The following SLC30A2 variants were observed in gnomAD, a reference collection of about 807,000 sequenced individuals.
SLC30A2 encodes the protein solute carrier family 30 member 2, also known as proton-coupled zinc antiporter SLC30A2.
A neutral mutation model predicts 39.6 loss-of-function variants in SLC30A2; 19 were observed. That is an observed-to-expected ratio of 0.48 (90% CI 0.34 to 0.70). SLC30A2 has a LOEUF of 0.70. Among genes scored for constraint, SLC30A2 ranks in the 30% least tolerant of loss-of-function variants. The pLI, the probability that SLC30A2 is intolerant of heterozygous loss-of-function variation, is 0.01. For synonymous variants in SLC30A2, 195 were observed against 194.8 expected, an observed-to-expected ratio of 1.00 and a Z score of -0.01; for missense variants, 387 against 479.4, an observed-to-expected ratio of 0.81 and a Z score of 1.80.
intron 2 of SLC30A2, among the ~76,000 whole-genome samples, 161 bp downstream of exon 2, chr1:26,044,836 A>G (rs568942696): frequency 2.6e-5 from 4 of 152,380 alleles, no homozygotes; most frequent in African/African-American, 9.6e-5. Context: ...AACGTCACCC[A>G]TGTGAGAACA....
chr1:26,044,277 C>T, intron 3 of SLC30A2, 21 bp downstream of exon 3: 1 of 1,613,162 alleles, frequency 6.2e-7, no homozygotes, highest in Non-Finnish European at 8.5e-7. Context: ...ACCCCATCTC[C>T]AGCCAAACCG....
At position 26,044,340 on chromosome 1, in the gene SLC30A2, G is replaced by T. The variant is rs770513269; in HGVS notation, c.376C>A (p.Arg126=). ...AAGTTCATGGTCTTGGTGGCTGGCC[G>T]GGAGGACATCCAGAGGGAGAAGAGG... The part of the protein sequence containing the change: ...ISLFSLWMSS[R]PATKTMNFGW... Residue 126 remains arginine (R), a synonymous_variant, in exon 3 of 8, where the codon CGG becomes AGG. Transcript: ENST00000374276. 10 of 1,613,890 alleles carry T rather than the reference G, an allele frequency of 6.2e-6. No individual in the cohort carries two copies. Among genetic ancestry groups the T allele is most frequent in the African/African-American group, 1.3e-5 (1 of 74,886 alleles).
Position 26,044,344 on chromosome 1 carries a change from G to T in SLC30A2, c.372C>A (p.Ser124=). The part of the protein sequence containing the change: ...MLISLFSLWM[S]SRPATKTMNF... ...TCATGGTCTTGGTGGCTGGCCGGGA[G>T]GACATCCAGAGGGAGAAGAGGCTGA... is the stretch of plus-strand genomic sequence containing the variant. The change falls in exon 3 of 8, where the codon TCC becomes TCA. Residue 124 remains serine (S), a synonymous_variant. Coordinates refer to ENST00000374276, the MANE Select transcript of SLC30A2 (RefSeq NM_001004434.3). 6.2e-7 allele frequency: 1 copy of T among 1,614,052 alleles called. No individual in the cohort carries two copies. Among genetic ancestry groups the T allele is most frequent in the Non-Finnish European group, 8.5e-7 (1 of 1,180,014 alleles).
In SLC30A2 at chr1:26,039,986, C is replaced by T. The variant is rs1246024714; in HGVS notation, c.839-75G>A. 21 of 1,554,918 alleles carry T rather than the reference C, an allele frequency of 1.4e-5. No homozygotes were observed. The highest frequency in any genetic ancestry group is 6.9e-5 in the Admixed American group (4 of 57,690). On this transcript the variant is annotated intron_variant, in intron 6 of 7. Transcript: ENST00000374276. This position sits in a 1 kb window ranked among gnomAD's most constrained non-coding sequence, Gnocchi z 4.3. ...CCTGCCCATTGGTGCAGGGCTGGCT[C>T]CTGATCCTCAGGTGTCATCCCCTCA...
At position 26,042,594 on chromosome 1, in the gene SLC30A2, C is replaced by T. The variant is rs1187918977; in HGVS notation, c.687G>A (p.Met229Ile). 1 of 1,614,194 alleles carries T rather than the reference C, an allele frequency of 6.2e-7. No individual in the cohort carries two copies. The highest frequency in any genetic ancestry group is 8.5e-7 in the Non-Finnish European group (1 of 1,180,022). Residue 229 changes from methionine (M) to isoleucine (I), a missense_variant, in exon 5 of 8, where the codon ATG becomes ATA. By Grantham distance (10) the Met-to-Ile change is conservative. Transcript: ENST00000374276. ...CTGCCACTAGGACACCCATGCTCTGCATAAAGTCGCCGATCACATGGATGA... is the reference window on the plus strand; with the variant it reads ...CTGCCACTAGGACACCCATGCTCTGTATAAAGTCGCCGATCACATGGATGA... ...AAFIHVIGDF[M>I]QSMGVLVAAY...
At chr1:26,041,642 T>G in intron 6 of SLC30A2, 58 bp downstream of exon 6, 1 of 996,200 alleles carries the variant, frequency 1.0e-6, no homozygotes, top group Non-Finnish European at 1.6e-6. Context: ...ATACCCTATT[T>G]GAGCTGATTA....
chr1:26,042,456 G>T, intron 5 of SLC30A2, 93 bp downstream of exon 5: 1 of 1,144,358 alleles, frequency 8.7e-7, no homozygotes, highest in Non-Finnish European at 1.3e-6. Flanking sequence ...AACTGGGAGG[G>T]AGCTAGAATC....
chr1:26,038,034 T>C lies in SLC30A2; in HGVS notation c.*1126A>G, dbSNP rs1380847957. On this transcript the variant is annotated 3_prime_UTR_variant, in exon 8 of 8. Transcript: ENST00000374276. ...CAACAACCACAGGTACTTGGCCAAC[T>C]GGCTCTTGTTCTCAACCCTGTGAGG... 6.6e-6 allele frequency: 1 copy of C among 152,296 alleles called. No individual in the cohort carries two copies. The highest frequency in any genetic ancestry group is 1.9e-4 in the East Asian group (1 of 5,200). 9.4% of individuals were successfully genotyped at this position (152,296 alleles called of 1,614,324 possible). A position where few individuals can be genotyped will look rare whatever the true frequency, so the allele number is the denominator to read the frequency against.
At chr1:26,044,263 C>T in intron 3 of SLC30A2, 35 bp downstream of exon 3, 5 of 1,611,406 alleles carry the variant, frequency 3.1e-6, no homozygotes, top group Non-Finnish European at 4.2e-6. Context: ...CACCCTCTCT[C>T]TCAACCCCAT....
Position 26,039,531 on chromosome 1 carries a change from T to C in SLC30A2, c.974-226A>G, listed in dbSNP as rs1196953493. ...GCCTTAAGGCCAGGAATCTGCCACC[T>C]ACTGCCATATACTAGCTGTAAAAGC... On this transcript the variant is annotated intron_variant, in intron 7 of 7. Coordinates refer to ENST00000374276, the MANE Select transcript of SLC30A2 (RefSeq NM_001004434.3). The surrounding 1 kb of genome is among the most constrained non-coding windows in gnomAD (Gnocchi z 4.3). Among the ~76,000 whole-genome samples, 1 of 152,248 alleles carries C rather than the reference T, an allele frequency of 6.6e-6. No homozygotes were observed. Among genetic ancestry groups the C allele is most frequent in the African/African-American group, 2.4e-5 (1 of 41,476 alleles).
At position 26,042,761 on chromosome 1, in the gene SLC30A2, A is replaced by G. The variant is rs536843091; in HGVS notation, c.573-53T>C. 1.0e-4 allele frequency: 158 copies of G among 1,537,850 alleles called. 2 individuals carry two copies. The South Asian group carries it at 1.7e-3, about 16-fold the overall frequency. On this transcript the variant is annotated intron_variant, in intron 4 of 7. Transcript: ENST00000374276. ...CTCACTGAGGTCGCAGATGGAGGTC[A>G]CCTATTAGGACTAGCCAACTTGTAG...
intron 6 of SLC30A2, among the ~76,000 whole-genome samples, chr1:26,040,926 C>CCCA (rs71004561): frequency 3.5e-5 from 5 of 144,312 alleles, no homozygotes; most frequent in Admixed American, 7.0e-5. Context: ...ACCCCCCCCC[C>CCCA]ATCTCTACAA....
intron 6 of SLC30A2, among the ~76,000 whole-genome samples, chr1:26,040,834 G>A (rs1011129507): frequency 6.6e-6 from 1 of 151,920 alleles, no homozygotes; most frequent in Non-Finnish European, 1.5e-5. Context: ...GCTCACATCT[G>A]TAACTCCAGC....
At position 26,045,870 on chromosome 1, in the gene SLC30A2, C is replaced by T; in HGVS notation, c.27G>A (p.Leu9=). 1 of 1,613,268 alleles carries T rather than the reference C, an allele frequency of 6.2e-7. No homozygotes were observed. The highest frequency in any genetic ancestry group is 1.3e-5 in the African/African-American group (1 of 75,060). The change falls in exon 1 of 8, where the codon CTG becomes CTA. Residue 9 remains leucine (L), a synonymous_variant. Transcript: ENST00000374276. The part of the protein sequence containing the change: MEAKEKQH[L]LDARPAIRSY... ...ACCGGATTGCCGGCCTGGCGTCCAA[C>T]AGATGCTGCTTCTCCTTGGCCTCCA...
rs200773356 is a variant in SLC30A2, at chr1:26,039,729, C to T, written c.973+48G>A. 3.1e-6 allele frequency: 5 copies of T among 1,592,216 alleles called. No homozygotes were observed. Among genetic ancestry groups the T allele is most frequent in the Non-Finnish European group, 4.3e-6 (5 of 1,166,348 alleles). ...GGACCCGTTGGGGATGGCACTAGGC[C>T]TTTGGCTGCCTGTCTCCCACCCCAC... is the stretch of plus-strand genomic sequence containing the variant. On this transcript the variant is annotated intron_variant, in intron 7 of 7. Transcript: ENST00000374276. The surrounding 1 kb of genome is among the most constrained non-coding windows in gnomAD (Gnocchi z 4.3).
In SLC30A2 at chr1:26,039,243, G is replaced by A. The variant is rs1288268862; in HGVS notation, c.1036C>T (p.His346Tyr). ...TASSRLQGKF[H>Y]FHTVTIQIED... ...ATCTGGATGGTCACGGTGTGGAAGT[G>A]GAACTTCCCTTGGAGGCGGCTGCTG... The change falls in exon 8 of 8, where the codon CAC becomes TAC. Residue 346 changes from histidine (H) to tyrosine (Y), a missense_variant. Coordinates refer to ENST00000374276, the MANE Select transcript of SLC30A2 (RefSeq NM_001004434.3). This position sits in a 1 kb window ranked among gnomAD's most constrained non-coding sequence, Gnocchi z 4.3. The A allele has an allele frequency of 3.7e-6, 6 of 1,613,982 alleles. 1 individual carries two copies. The highest frequency in any genetic ancestry group is 3.3e-5 in the Admixed American group (2 of 60,006).
intron 1 of SLC30A2, 94 bp from the exon 2 acceptor site, chr1:26,045,311 T>G (rs2050449078): frequency 2.0e-6 from 2 of 1,016,648 alleles, no homozygotes; most frequent in African/African-American, 3.2e-5. Flanking sequence ...TTGTGTCCAC[T>G]GGGAAAAATA....
At chr1:26,044,575 A>T (rs955191209) in intron 2 of SLC30A2, 131 bp from the exon 3 acceptor site, 41 of 844,054 alleles carry the variant, frequency 4.9e-5, no homozygotes, top group Non-Finnish European at 6.8e-5. Flanking sequence ...GAGCTGTACC[A>T]CCGTGACAAG....
rs1222451162 is a variant in SLC30A2, at chr1:26,039,335, G to A, written c.974-30C>T. 1.3e-6 allele frequency: 2 copies of A among 1,575,132 alleles called. No individual in the cohort carries two copies. The highest frequency in any genetic ancestry group is 1.7e-6 in the Non-Finnish European group (2 of 1,146,386). On this transcript the variant is annotated intron_variant, in intron 7 of 7. Coordinates refer to ENST00000374276, the MANE Select transcript of SLC30A2 (RefSeq NM_001004434.3). The surrounding 1 kb of genome is among the most constrained non-coding windows in gnomAD (Gnocchi z 4.3). The stretch of plus-strand genomic sequence containing the variant: ...GGGCCGAGAGGACACAGCGGGGGAA[G>A]CCATTTACTCTGGCCCTTTGGAACC...
Sources: gnomAD v4.1 joint callset for allele counts (sites outside exome capture counted in the v4.1 genomes callset) on GRCh38, gnomAD v4.1.1 for gene constraint, Gnocchi (gnomAD v3.1) non-coding constraint, MANE v1.5 for transcripts, NCBI Gene and HGNC (gene_info 2026-07-23, HGNC 2026-07-21) for gene names.